TRIM2: variants seen among roughly 807,000 people sequenced by gnomAD.
The protein encoded by TRIM2 is tripartite motif-containing protein 2.
A neutral mutation model predicts 75.2 loss-of-function variants in TRIM2; 20 were observed. The observed-to-expected ratio is 0.27, with a 90% CI of 0.19 to 0.39. The LOEUF (loss-of-function observed/expected upper bound fraction) is 0.39. Among genes scored for constraint, TRIM2 ranks in the 10% least tolerant of loss-of-function variants. TRIM2 has a pLI of 1.00. For missense variants in TRIM2, 660 were observed against 990.8 expected (o/e 0.67, Z 4.48); for synonymous variants, 373 against 388.3 (o/e 0.96, Z 0.46).
At chr4:153,301,190 CAA>C (rs796141705) in intron 6 of TRIM2, among the ~76,000 whole-genome samples, 3 of 138,232 alleles carry the variant, frequency 2.2e-5, no homozygotes, top group Admixed American at 1.5e-4. Context: ...GACTCTATCT[CAA>C]AAAAAAAAAA....
intron 1 of TRIM2, among the ~76,000 whole-genome samples, chr4:153,239,178 C>G (rs1367720589): frequency 6.6e-6 from 1 of 152,210 alleles, no homozygotes; most frequent in African/African-American, 2.4e-5. Context: ...CAGCGAAACC[C>G]CATCTCTACT....
At chr4:153,323,665 A>G (rs1769489050) in intron 9 of TRIM2, among the ~76,000 whole-genome samples, 1 of 152,156 alleles carries the variant, frequency 6.6e-6, no homozygotes, top group Non-Finnish European at 1.5e-5. Context: ...TTTAAAAATT[A>G]CATATTGGAG....
At chr4:153,236,814 C>G (rs1337467594) in intron 1 of TRIM2, among the ~76,000 whole-genome samples, 1 of 152,096 alleles carries the variant, frequency 6.6e-6, no homozygotes, top group East Asian at 1.9e-4. Context: ...AACTCAGCCT[C>G]CTCAGTAGCT....
In TRIM2 at chr4:153,227,686, G is replaced by A. The variant is rs143041002; in HGVS notation, c.30+23126G>A. Among the ~76,000 whole-genome samples, 548 of 152,302 alleles carry A rather than the reference G, an allele frequency of 3.6e-3. 3 individuals are homozygous for A. Among genetic ancestry groups the A allele is most frequent in the Non-Finnish European group, 5.0e-3 (340 of 68,020 alleles). On this transcript the variant is annotated intron_variant, in intron 1 of 11. Coordinates refer to ENST00000338700, the MANE Select transcript of TRIM2 (RefSeq NM_015271.5). ...CTATTGGACACAATGGAGGGTGCAC[G>A]TCTCTCTTTTCAGCTGGGTAGTCTG...
intron 1 of TRIM2, among the ~76,000 whole-genome samples, chr4:153,205,540 C>A (rs1166078706): frequency 6.6e-6 from 1 of 152,138 alleles, no homozygotes; most frequent in East Asian, 1.9e-4. Flanking sequence ...CCTACGGCAG[C>A]TTTGATCAGA....
At chr4:153,204,140 A>T (rs1734778824), upstream of TRIM2, among the ~76,000 whole-genome samples, 1 of 152,242 alleles carries the variant, frequency 6.6e-6, no homozygotes, top group African/African-American at 2.4e-5. Context: ...CTTTAAAAAT[A>T]CATATTATTA....
intron 1 of TRIM2, among the ~76,000 whole-genome samples, chr4:153,171,544 T>G (rs1235100346): frequency 6.6e-6 from 1 of 152,124 alleles, no homozygotes; most frequent in African/African-American, 2.4e-5. Context: ...TGAGATCACA[T>G]AATTTCACTC....
At chr4:153,333,366 T>C (rs1358712682) in intron 11 of TRIM2, among the ~76,000 whole-genome samples, 1 of 152,140 alleles carries the variant, frequency 6.6e-6, no homozygotes, top group Non-Finnish European at 1.5e-5. Context: ...TTTATGTTGA[T>C]GGGATAATTC....
chr4:153,179,563 C>T (rs550981941), intron 1 of TRIM2, among the ~76,000 whole-genome samples: 106 of 152,212 alleles, frequency 7.0e-4, no homozygotes, highest in Non-Finnish European at 1.2e-3. Context: ...TCTTGAAGCC[C>T]GCACTGCACA....
At chr4:153,197,127 A>G (rs1297497647) in intron 1 of TRIM2, among the ~76,000 whole-genome samples, 2 of 152,224 alleles carry the variant, frequency 1.3e-5, no homozygotes, top group Non-Finnish European at 2.9e-5. Flanking sequence ...AACTGACTTT[A>G]GGCCTTGCCA....
chr4:153,215,786 G>A (rs1470713330), intron 1 of TRIM2, among the ~76,000 whole-genome samples: 1 of 152,052 alleles, frequency 6.6e-6, no homozygotes, highest in African/African-American at 2.4e-5. Context: ...TTAATATAAA[G>A]AATAAGAAAA....
At chr4:153,207,907 A>G (rs974674987) in intron 1 of TRIM2, among the ~76,000 whole-genome samples, 3 of 152,228 alleles carry the variant, frequency 2.0e-5, no homozygotes, top group Admixed American at 1.3e-4. Context: ...TAAGTTAAAC[A>G]TGGTTTGAAA....
At chr4:153,300,334 G>C (rs937966541) in intron 6 of TRIM2, among the ~76,000 whole-genome samples, 5 of 151,676 alleles carry the variant, frequency 3.3e-5, no homozygotes, top group Non-Finnish European at 7.4e-5. Flanking sequence ...CGTTTCCCCA[G>C]GCTGGAGTAC....
At chr4:153,285,228 A>G (rs770462968) in intron 3 of TRIM2, among the ~76,000 whole-genome samples, 5 of 152,204 alleles carry the variant, frequency 3.3e-5, no homozygotes, top group Non-Finnish European at 4.4e-5. Flanking sequence ...CACCCTTGTC[A>G]AGAATCAATT....
chr4:153,187,589 A>C (rs998284459), intron 1 of TRIM2, among the ~76,000 whole-genome samples: 1 of 152,210 alleles, frequency 6.6e-6, no homozygotes, highest in Non-Finnish European at 1.5e-5. Flanking sequence ...GCTGTACCCC[A>C]GCTGTTGGGG....
At chr4:153,186,325 T>C (rs1459636953) in intron 1 of TRIM2, among the ~76,000 whole-genome samples, 1 of 152,180 alleles carries the variant, frequency 6.6e-6, no homozygotes, top group Non-Finnish European at 1.5e-5. Flanking sequence ...ATTCTGTGAT[T>C]TGGTGAAGCT....
chr4:153,265,247 A>G (rs1017524808), intron 1 of TRIM2, among the ~76,000 whole-genome samples: 4 of 151,928 alleles, frequency 2.6e-5, no homozygotes, highest in African/African-American at 9.7e-5. Flanking sequence ...TTCAAAGGGT[A>G]CTATGAAAAA....
chr4:153,312,989 G>A (rs577022934), intron 6 of TRIM2, among the ~76,000 whole-genome samples: 53 of 152,220 alleles, frequency 3.5e-4, no homozygotes, highest in African/African-American at 9.2e-4. Flanking sequence ...GGCAGTGCCC[G>A]TTTCATCTAG....
intron 1 of TRIM2, among the ~76,000 whole-genome samples, chr4:153,239,858 A>G (rs1329531499): frequency 3.9e-5 from 5 of 128,034 alleles, no homozygotes; most frequent in Non-Finnish European, 8.2e-5. Context: ...TTTTTGTAAG[A>G]TGGAGTCTCG....
Sources: allele counts gnomAD v4.1 joint callset (sites outside exome capture counted in the v4.1 genomes callset), GRCh38; gene constraint gnomAD v4.1.1; transcripts MANE v1.5; gene names NCBI Gene and HGNC (gene_info 2026-07-23, HGNC 2026-07-21).